Variants in ASIC2 observed in about 807,000 individuals in gnomAD.
The protein encoded by ASIC2 is acid-sensing ion channel 2.
ASIC2 carries 25 observed loss-of-function variants against 57.3 expected under a neutral mutation model. The observed-to-expected ratio is 0.44, with a 90% CI of 0.32 to 0.61. The LOEUF (loss-of-function observed/expected upper bound fraction) is 0.61, where lower values mean the gene tolerates loss of function less well. Ranked by LOEUF, ASIC2 falls within the 20% of genes least tolerant of loss-of-function variation. The pLI is 0.06. For synonymous variants in ASIC2, 319 were observed against 307.5 expected, an observed-to-expected ratio of 1.04 and a Z score of -0.39; for missense variants, 641 against 738.1, an observed-to-expected ratio of 0.87 and a Z score of 1.52.
intron 1 of ASIC2, among the ~76,000 whole-genome samples, chr17:34,063,014 TTC>T (rs1372259872): frequency 6.6e-6 from 1 of 152,168 alleles, no homozygotes; most frequent in Non-Finnish European, 1.5e-5. Flanking sequence ...CCTTAATTCA[TTC>T]TGTGAAACCA....
chr17:33,690,456 G>A (rs1854091406), intron 1 of ASIC2, among the ~76,000 whole-genome samples: 1 of 152,144 alleles, frequency 6.6e-6, no homozygotes, highest in Non-Finnish European at 1.5e-5. Flanking sequence ...GTGGATGCAT[G>A]GGCTTCTTCA....
chr17:33,079,584 C>T (rs748113598), intron 3 of ASIC2, among the ~76,000 whole-genome samples: 35 of 152,056 alleles, frequency 2.3e-4, no homozygotes, highest in African/African-American at 6.5e-4. Context: ...TATTTTAGAA[C>T]GGTCATGTTG....
At chr17:33,916,916 G>A (rs1461508422) in intron 1 of ASIC2, among the ~76,000 whole-genome samples, 1 of 152,170 alleles carries the variant, frequency 6.6e-6, no homozygotes, top group Non-Finnish European at 1.5e-5. Flanking sequence ...AGTGTATGTG[G>A]CAGGCTTTGA....
intron 3 of ASIC2, among the ~76,000 whole-genome samples, chr17:33,079,870 C>T (rs1471633199): frequency 6.6e-6 from 1 of 152,064 alleles, no homozygotes; most frequent in Non-Finnish European, 1.5e-5. Flanking sequence ...AACAAGGTTC[C>T]ACAACTAGCA....
chr17:33,613,971 C>T (rs1029793634), intron 1 of ASIC2, among the ~76,000 whole-genome samples: 1 of 152,194 alleles, frequency 6.6e-6, no homozygotes, highest in Non-Finnish European at 1.5e-5. Flanking sequence ...ATTTACAGAG[C>T]AGGTTGCTAG....
chr17:33,793,847 G>A (rs1346877635), intron 1 of ASIC2: 1 of 152,214 alleles, frequency 6.6e-6, no homozygotes, highest in African/African-American at 2.4e-5. Flanking sequence ...ACAGAAAGAT[G>A]CTTGAGGGTT....
intron 1 of ASIC2, among the ~76,000 whole-genome samples, chr17:33,375,143 A>T (rs1236807405): frequency 2.0e-5 from 3 of 152,166 alleles, no homozygotes; most frequent in Admixed American, 6.5e-5. Context: ...TTACATAGAA[A>T]ATTAGGCAGG....
rs547598115 is a variant in ASIC2, at chr17:33,231,495, A to T, written c.708+59913T>A. On this transcript the variant is annotated intron_variant, in intron 1 of 9. Transcript: ENST00000225823. The stretch of plus-strand genomic sequence containing the variant: ...GGTCCTAGGGTGTCTGGTTGCCCCT[A>T]GCTTGTGACGGCTTTCTCTCCTCAT... Among the ~76,000 whole-genome samples the T allele has an allele frequency of 9.9e-5, 15 of 152,170 alleles. 1 individual carries two copies. In the South Asian group the frequency reaches 2.9e-3, roughly 29 times the overall value.
chr17:33,372,070 C>T (rs1229258303), intron 1 of ASIC2, among the ~76,000 whole-genome samples: 1 of 152,040 alleles, frequency 6.6e-6, no homozygotes, highest in Admixed American at 6.5e-5. Context: ...AGAACTCCCC[C>T]AGACCCTCTC....
intron 1 of ASIC2, among the ~76,000 whole-genome samples, chr17:33,846,954 TCTC>T (rs977303282): frequency 5.4e-4 from 82 of 151,788 alleles, no homozygotes; most frequent in Admixed American, 2.0e-4. Context: ...CACTGTGTCA[TCTC>T]CTCTTATCCT....
intron 1 of ASIC2, among the ~76,000 whole-genome samples, chr17:33,368,444 G>T (rs937474892): frequency 6.6e-6 from 1 of 152,208 alleles, no homozygotes; most frequent in Non-Finnish European, 1.5e-5. Flanking sequence ...AGACTTCAGG[G>T]ATCAGAGAAC....
chr17:33,385,350 T>G (rs2141948950), intron 1 of ASIC2, among the ~76,000 whole-genome samples: 1 of 152,232 alleles, frequency 6.6e-6, no homozygotes, highest in Middle Eastern at 3.4e-3. Flanking sequence ...GCACCCTGCT[T>G]TCTCCTGAGT....
At chr17:33,994,003 T>G (rs1204103615) in intron 1 of ASIC2, among the ~76,000 whole-genome samples, 1 of 152,146 alleles carries the variant, frequency 6.6e-6, no homozygotes, top group African/African-American at 2.4e-5. Flanking sequence ...AATGTGTCTT[T>G]TTTGCCTGTG....
chr17:33,559,454 C>T (rs1916006655), intron 1 of ASIC2, among the ~76,000 whole-genome samples: 1 of 152,040 alleles, frequency 6.6e-6, no homozygotes, highest in African/African-American at 2.4e-5. Context: ...AAATGAAGAA[C>T]TGAAAAAAAT....
At chr17:33,060,223 T>C (rs942766622) in intron 3 of ASIC2, among the ~76,000 whole-genome samples, 1 of 152,236 alleles carries the variant, frequency 6.6e-6, no homozygotes. Context: ...GTTTTAGACA[T>C]GACGTCCTTG....
chr17:33,159,270 A>C (rs545773371), intron 1 of ASIC2, among the ~76,000 whole-genome samples: 1 of 152,200 alleles, frequency 6.6e-6, no homozygotes, highest in Non-Finnish European at 1.5e-5. Context: ...TGCATCATCT[A>C]TCTCCCTTCC....
intron 1 of ASIC2, among the ~76,000 whole-genome samples, chr17:33,613,687 C>T (rs1478452783): frequency 6.6e-6 from 1 of 152,158 alleles, no homozygotes; most frequent in African/African-American, 2.4e-5. Flanking sequence ...CTCTTATACA[C>T]ATACGGAAAT....
chr17:34,048,542 A>AGTCCTATTGTG (rs1908423729), intron 1 of ASIC2, among the ~76,000 whole-genome samples: 1 of 152,020 alleles, frequency 6.6e-6, no homozygotes, highest in Non-Finnish European at 1.5e-5. Flanking sequence ...TTACCTGTAA[A>AGTCCTATTGTG]GTCCTATTGT....
At chr17:33,325,038 G>A (rs1907017658) in intron 1 of ASIC2, among the ~76,000 whole-genome samples, 1 of 152,208 alleles carries the variant, frequency 6.6e-6, no homozygotes, top group African/African-American at 2.4e-5. Flanking sequence ...TGTGCTTGAT[G>A]CTTTCCGCCT....
Sources: allele counts gnomAD v4.1 joint callset (sites outside exome capture counted in the v4.1 genomes callset), GRCh38; gene constraint gnomAD v4.1.1; transcripts MANE v1.5; gene names NCBI Gene and HGNC (gene_info 2026-07-23, HGNC 2026-07-21).